Variants in NSF observed in about 807,000 individuals in gnomAD.
NSF encodes the protein vesicle-fusing ATPase.
NSF carries 14 observed loss-of-function variants against 50.3 expected under a neutral mutation model. The observed-to-expected ratio is 0.28, with a 90% CI of 0.18 to 0.44. The LOEUF is 0.44. NSF is among the 20% of genes least tolerant of loss of function. The pLI is 1.00. For missense variants in NSF, 218 were observed against 504.3 expected (o/e 0.43, Z 5.44); for synonymous variants, 109 against 175.7 (o/e 0.62, Z 3.00).
intron 17 of NSF, among the ~76,000 whole-genome samples, chr17:46,731,630 C>A (rs768173929): frequency 2.6e-5 from 4 of 151,952 alleles, no homozygotes; most frequent in Non-Finnish European, 4.4e-5. Context: ...GGAATTGGAT[C>A]ATTTAAAAAG....
chr17:46,751,768 T>C, intron 19 of NSF, 152 bp downstream of exon 19: 1 of 521,132 alleles, frequency 1.9e-6, no homozygotes, highest in East Asian at 3.0e-5. Flanking sequence ...AGTAGCCTGC[T>C]TCTGAGATTG....
At chr17:46,752,544 C>G (rs997789872) in intron 19 of NSF, among the ~76,000 whole-genome samples, 1 of 152,154 alleles carries the variant, frequency 6.6e-6, no homozygotes, top group Non-Finnish European at 1.5e-5. Flanking sequence ...CAGTTTTGAC[C>G]TCGCAGGCTC....
At chr17:46,743,525 C>G (rs2059098411) in intron 17 of NSF, among the ~76,000 whole-genome samples, 1 of 152,212 alleles carries the variant, frequency 6.6e-6, no homozygotes, top group Non-Finnish European at 1.5e-5. Flanking sequence ...TACCCCAAAT[C>G]ACACAGCTGT....
At position 46,755,787 on chromosome 17, in the gene NSF, G is replaced by GT. The variant is rs747132856; in HGVS notation, c.2214-14dup. On this transcript the variant is annotated splice_polypyrimidine_tract_variant and intron_variant, in intron 20 of 20. Transcript: ENST00000398238. ...CCCTCATCTGTTTTTTTGTGTTTTGGTATTTCTTTTGCAGTAGCCCCCTTG... is the reference window on the plus strand; with the variant it reads ...CCCTCATCTGTTTTTTTGTGTTTTGGTTATTTCTTTTGCAGTAGCCCCCTTG... The GT allele has an allele frequency of 1.9e-6, 3 of 1,595,750 alleles. No homozygotes were observed. Among genetic ancestry groups the GT allele is most frequent in the African/African-American group, 1.4e-5 (1 of 72,540 alleles).
intron 17 of NSF, among the ~76,000 whole-genome samples, chr17:46,729,857 G>T (rs550872125): frequency 6.6e-6 from 1 of 151,264 alleles, no homozygotes; most frequent in South Asian, 2.1e-4. Context: ...TTTTTCTGGA[G>T]TTTTTTTTTA....
At chr17:46,750,335 G>A (rs1319564535) in intron 18 of NSF, among the ~76,000 whole-genome samples, 1 of 152,112 alleles carries the variant, frequency 6.6e-6, no homozygotes, top group African/African-American at 2.4e-5. Flanking sequence ...TCTGGGTGAG[G>A]GAGCAAAACT....
Position 46,719,660 on chromosome 17 carries a change from A to G in NSF, c.1761+5674A>G, listed in dbSNP as rs766933028. 1.3e-5 allele frequency among the ~76,000 whole-genome samples: 2 copies of G among 152,048 alleles called. No homozygotes were observed. Among genetic ancestry groups the G allele is most frequent in the Non-Finnish European group, 2.9e-5 (2 of 67,992 alleles). On this transcript the variant is annotated intron_variant, in intron 15 of 20. Transcript: ENST00000398238. The surrounding 1 kb of genome is among the most constrained non-coding windows in gnomAD (Gnocchi z 4.3). ...ACGTTTGCTTCCCAAACTTCATTCT[A>G]TTTTTAAATTTTAATTCCTTTATCC...
intron 17 of NSF, 120 bp from the exon 18 acceptor site, chr17:46,749,653 C>A: frequency 1.1e-6 from 1 of 896,244 alleles, no homozygotes; most frequent in Non-Finnish European, 1.6e-6. Context: ...TTCTGTTTTG[C>A]CTAATCATTT....
chr17:46,602,780 A>G lies in NSF; in HGVS notation c.12+11993A>G, dbSNP rs1053142888. On this transcript the variant is annotated intron_variant, in intron 1 of 20. Transcript: ENST00000398238. ...GACTATTTTTCTCCTAGAGAATAAT[A>G]TTGATATAATTTTGTGAACCATAGC... Among the ~76,000 whole-genome samples, 5 of 146,754 alleles carry G rather than the reference A, an allele frequency of 3.4e-5. 2 individuals are homozygous for G. Among genetic ancestry groups the G allele is most frequent in the African/African-American group, 1.3e-4 (5 of 38,462 alleles).
At chr17:46,721,964 T>G in intron 15 of NSF, 1 of 1,604,826 alleles carries the variant, frequency 6.2e-7, no homozygotes, top group Non-Finnish European at 8.5e-7. Context: ...AGATTTCAGT[T>G]GAGGAACGGG....
Position 46,719,566 on chromosome 17 carries a change from G to A in NSF, c.1761+5580G>A, listed in dbSNP as rs1334243105. Among the ~76,000 whole-genome samples, 1 of 152,042 alleles carries A rather than the reference G, an allele frequency of 6.6e-6. No homozygotes were observed. The highest frequency in any genetic ancestry group is 2.4e-5 in the African/African-American group (1 of 41,408). On this transcript the variant is annotated intron_variant, in intron 15 of 20. Coordinates refer to ENST00000398238, the MANE Select transcript of NSF (RefSeq NM_006178.4). This position sits in a 1 kb window ranked among gnomAD's most constrained non-coding sequence, Gnocchi z 4.3. ...GTATGAGGTATTGTCCTCACGTTCT[G>A]GGGGGTATACCATATGTTCCATTAA...
In NSF at chr17:46,703,680, C is replaced by CAAAAAAAAAAAAA. The variant is rs149212597; in HGVS notation, c.1375-1067_1375-1055dup. On this transcript the variant is annotated intron_variant, in intron 12 of 20. Transcript: ENST00000398238. ...TGGGGGACAGAGTGAGACTCCGTCT[C>CAAAAAAAAAAAAA]AAAAAAAAAAAAAAAAAAAAAAAAC... is the stretch of plus-strand genomic sequence containing the variant. 4.0e-4 allele frequency among the ~76,000 whole-genome samples: 15 copies of CAAAAAAAAAAAAA among 37,642 alleles called. 1 individual carries two copies. The highest frequency in any genetic ancestry group is 5.5e-4 in the Non-Finnish European group (11 of 19,954). The allele number at this position is 37,642 out of a possible 152,430, so 24.7% of individuals were successfully genotyped here.
At chr17:46,729,491 G>A (rs1185957313) in intron 17 of NSF, among the ~76,000 whole-genome samples, 4 of 151,944 alleles carry the variant, frequency 2.6e-5, no homozygotes, top group African/African-American at 9.7e-5. Context: ...GGCTATTAGA[G>A]ACTTGTGATT....
intron 15 of NSF, chr17:46,721,891 G>A (rs201970915): frequency 3.3e-5 from 53 of 1,586,198 alleles, no homozygotes; most frequent in East Asian, 2.9e-4. Context: ...CGATAAAGAC[G>A]ACATGCTTCC....
At chr17:46,610,062 TCTTTC>T (rs1260943497) in intron 1 of NSF, among the ~76,000 whole-genome samples, 2 of 136,580 alleles carry the variant, frequency 1.5e-5, no homozygotes, top group African/African-American at 5.4e-5. Context: ...TTTCTTTCTT[TCTTTC>T]CTTTCTTTCC....
chr17:46,714,101 C>T, intron 15 of NSF, 115 bp downstream of exon 15: 1 of 1,052,160 alleles, frequency 9.5e-7, no homozygotes, highest in Non-Finnish European at 1.3e-6. Flanking sequence ...ATGTTCTTCT[C>T]AAGTGGAACC....
At chr17:46,736,742 A>G (rs1311904560) in intron 17 of NSF, among the ~76,000 whole-genome samples, 1 of 152,244 alleles carries the variant, frequency 6.6e-6, no homozygotes, top group Admixed American at 6.5e-5. Context: ...CTACCTTTGT[A>G]TCTAAGCTTG....
At chr17:46,676,798 GA>G (rs1343246379) in intron 9 of NSF, among the ~76,000 whole-genome samples, 5 of 34,048 alleles carry the variant, frequency 1.5e-4, no homozygotes, top group African/African-American at 7.6e-4. Context: ...TGTTAAGGAA[GA>G]AAAAAATTAG....
intron 17 of NSF, among the ~76,000 whole-genome samples, chr17:46,729,761 A>G (rs145723486): frequency 1.1e-4 from 17 of 152,248 alleles, no homozygotes; most frequent in African/African-American, 4.1e-4. Flanking sequence ...GAAAATATTT[A>G]CTCTTAAACT....
Sources: gnomAD v4.1 joint callset for allele counts (sites outside exome capture counted in the v4.1 genomes callset) on GRCh38, gnomAD v4.1.1 for gene constraint, Gnocchi (gnomAD v3.1) non-coding constraint, MANE v1.5 for transcripts, NCBI Gene and HGNC (gene_info 2026-07-23, HGNC 2026-07-21) for gene names.